CHP1: variants seen among roughly 807,000 people sequenced by gnomAD.
The protein encoded by CHP1 is calcineurin B homologous protein 1.
CHP1 carries 11 observed loss-of-function variants against 27.4 expected under a neutral mutation model. That is an observed-to-expected ratio of 0.40 (90% CI 0.25 to 0.67). CHP1 has a LOEUF of 0.67. CHP1 is among the 30% of genes least tolerant of loss of function. The probability of loss-of-function intolerance (pLI) is 0.38; values close to 1 mark genes in which losing one functional copy is unlikely to be tolerated. For synonymous variants in CHP1, 89 were observed against 87.4 expected (o/e 1.02, Z -0.10); for missense variants, 169 against 251.3 (o/e 0.67, Z 2.22).
At chr15:41,249,302 G>C (rs982082606) in intron 2 of CHP1, among the ~76,000 whole-genome samples, 1 of 151,456 alleles carries the variant, frequency 6.6e-6, no homozygotes, top group African/African-American at 2.4e-5. Context: ...CTACAGGCAC[G>C]TGTCACTGCC....
chr15:41,238,194 G>C (rs1475019822), intron 1 of CHP1, among the ~76,000 whole-genome samples: 1 of 151,204 alleles, frequency 6.6e-6, no homozygotes, highest in South Asian at 2.1e-4. Flanking sequence ...GTCTCACTCT[G>C]TCACCCAGGT....
chr15:41,233,168 C>G (rs956821272), intron 1 of CHP1, among the ~76,000 whole-genome samples: 2 of 152,276 alleles, frequency 1.3e-5, no homozygotes, highest in Middle Eastern at 3.4e-3. Flanking sequence ...CGTTTTGTGG[C>G]CATAACTTCT....
chr15:41,278,004 A>G (rs1386251256), intron 5 of CHP1, among the ~76,000 whole-genome samples: 9 of 151,734 alleles, frequency 5.9e-5, no homozygotes, highest in Admixed American at 5.9e-4. Context: ...TGGAAAAGGT[A>G]CAGTAAAAAT....
intron 2 of CHP1, 151 bp from the exon 3 acceptor site, chr15:41,256,759 C>T (rs1488971644): frequency 8.9e-6 from 6 of 674,578 alleles, no homozygotes; most frequent in African/African-American, 1.8e-5. Context: ...TATTAAAGTG[C>T]TATTCTTTGC....
At chr15:41,266,773 G>C (rs2047463277) in intron 4 of CHP1, among the ~76,000 whole-genome samples, 1 of 152,126 alleles carries the variant, frequency 6.6e-6, no homozygotes, top group Non-Finnish European at 1.5e-5. Context: ...AGGCCAAGGT[G>C]GGTGAATCAT....
intron 5 of CHP1, among the ~76,000 whole-genome samples, chr15:41,274,023 C>T (rs533958646): frequency 6.6e-5 from 10 of 151,734 alleles, no homozygotes; most frequent in Middle Eastern, 3.4e-3. Flanking sequence ...TGCAATGGCG[C>T]GATCTCAACT....
intron 1 of CHP1, among the ~76,000 whole-genome samples, chr15:41,235,448 C>T (rs1180119584): frequency 1.3e-5 from 2 of 152,018 alleles, no homozygotes; most frequent in Non-Finnish European, 2.9e-5. Flanking sequence ...ATTGCTTAGG[C>T]GGGAGGTCAA....
At chr15:41,264,788 T>A (rs971034297) in intron 4 of CHP1, among the ~76,000 whole-genome samples, 32 of 152,206 alleles carry the variant, frequency 2.1e-4, no homozygotes, top group African/African-American at 7.7e-4. Flanking sequence ...TTGGATTAAC[T>A]TTTATAGGAA....
Position 41,262,734 on chromosome 15 carries a change from G to GT in CHP1, c.222-19dup, listed in dbSNP as rs769241529. ...ATCACCGTGATTGACATGGTGTTGT[G>GT]TTTGTTATATTTCACAATCAGAGAG... On this transcript the variant is annotated intron_variant, in intron 3 of 6. Transcript: ENST00000334660. The GT allele has an allele frequency of 3.7e-6, 6 of 1,611,158 alleles. No individual in the cohort carries two copies. The African/African-American group carries it at 8.0e-5, about 22-fold the overall frequency.
chr15:41,275,583 T>C (rs956997190), intron 5 of CHP1, among the ~76,000 whole-genome samples: 3 of 152,318 alleles, frequency 2.0e-5, no homozygotes, highest in Non-Finnish European at 4.4e-5. Flanking sequence ...GATTGACTGA[T>C]AGGGTCTCCC....
chr15:41,266,316 C>G (rs981316355), intron 4 of CHP1, among the ~76,000 whole-genome samples: 3 of 151,432 alleles, frequency 2.0e-5, no homozygotes, highest in African/African-American at 7.3e-5. Flanking sequence ...AATAATAGTG[C>G]TTTGTGTAAA....
intron 3 of CHP1, among the ~76,000 whole-genome samples, chr15:41,261,992 C>CAA (rs34691506): frequency 3.6e-5 from 3 of 84,042 alleles, no homozygotes; most frequent in Non-Finnish European, 5.3e-5. Flanking sequence ...AACTCCATCT[C>CAA]AAAAAAAAAA....
intron 1 of CHP1, among the ~76,000 whole-genome samples, chr15:41,233,125 G>A (rs769025792): frequency 1.3e-5 from 2 of 152,172 alleles, no homozygotes; most frequent in African/African-American, 4.8e-5. Flanking sequence ...GAGTGGAGAC[G>A]CAAGCAGTTT....
At chr15:41,231,644 G>A (rs2047243644) in intron 1 of CHP1, among the ~76,000 whole-genome samples, 195 bp downstream of exon 1, 1 of 152,012 alleles carries the variant, frequency 6.6e-6, no homozygotes, top group Non-Finnish European at 1.5e-5. Context: ...TAGCTACTGT[G>A]GGGCTGTCCT....
intron 4 of CHP1, among the ~76,000 whole-genome samples, chr15:41,269,525 T>C (rs1413447243): frequency 6.6e-6 from 1 of 152,090 alleles, no homozygotes; most frequent in African/African-American, 2.4e-5. Flanking sequence ...ATGTTACCTC[T>C]CCTTGATATT....
chr15:41,268,960 A>G (rs1031820354), intron 4 of CHP1, among the ~76,000 whole-genome samples: 1 of 151,940 alleles, frequency 6.6e-6, no homozygotes, highest in Non-Finnish European at 1.5e-5. Context: ...ACTCTGTCTC[A>G]ACAACAACAA....
At chr15:41,270,252 C>T (rs1323356728) in intron 4 of CHP1, among the ~76,000 whole-genome samples, 3 of 150,954 alleles carry the variant, frequency 2.0e-5, no homozygotes, top group Non-Finnish European at 4.4e-5. Context: ...TACAGAACCA[C>T]GTAAGGAGTG....
intron 4 of CHP1, among the ~76,000 whole-genome samples, chr15:41,268,205 A>T (rs2047471533): frequency 6.6e-6 from 1 of 152,246 alleles, no homozygotes; most frequent in African/African-American, 2.4e-5. Context: ...TGAGAAAGGC[A>T]TAGGGAGATG....
chr15:41,238,961 C>A (rs2047292380), intron 1 of CHP1, among the ~76,000 whole-genome samples: 1 of 152,176 alleles, frequency 6.6e-6, no homozygotes, highest in South Asian at 2.1e-4. Flanking sequence ...GGGCACCTAT[C>A]TGACTAGCTT....
Sources: allele counts gnomAD v4.1 joint callset (sites outside exome capture counted in the v4.1 genomes callset), GRCh38; gene constraint gnomAD v4.1.1; transcripts MANE v1.5; gene names NCBI Gene and HGNC (gene_info 2026-07-23, HGNC 2026-07-21).